Variants in CPQ observed in about 807,000 individuals in gnomAD.
CPQ encodes the protein carboxypeptidase Q, also known as Ser-Met dipeptidase.
In CPQ, 37 loss-of-function variants were observed where a neutral mutation model predicts 45.7. The observed-to-expected ratio is 0.81, with a 90% CI of 0.62 to 1.07. The LOEUF (loss-of-function observed/expected upper bound fraction) is 1.07, where lower values mean the gene tolerates loss of function less well. CPQ is among the 50% of genes least tolerant of loss of function. The pLI is 0.00. For missense variants in CPQ, 537 were observed against 572.9 expected (o/e 0.94, Z 0.64); for synonymous variants, 186 against 205.8 (o/e 0.90, Z 0.82).
chr8:97,077,670 C>A (rs1810872270), intron 7 of CPQ, among the ~76,000 whole-genome samples: 1 of 152,036 alleles, frequency 6.6e-6, no homozygotes, highest in Non-Finnish European at 1.5e-5. Context: ...CATAACATAC[C>A]TTTTTCTTAA....
chr8:97,143,247 A>C lies in CPQ; in HGVS notation c.*64A>C. On this transcript the variant is annotated 3_prime_UTR_variant, in exon 8 of 8. Coordinates refer to ENST00000220763, the MANE Select transcript of CPQ (RefSeq NM_016134.4). Reference sequence around the variant, plus strand: ...GAATCCTGGGTCTGCAACTTTGGAAAACTCCTCTTCACATAACAATTTCAT... The same window carrying C: ...GAATCCTGGGTCTGCAACTTTGGAACACTCCTCTTCACATAACAATTTCAT... 6.6e-7 allele frequency: 1 copy of C among 1,511,716 alleles called. No homozygotes were observed. The highest frequency in any genetic ancestry group is 1.2e-5 in the South Asian group (1 of 85,202). 93.6% of individuals were successfully genotyped at this position (1,511,716 alleles called of 1,614,324 possible).
At chr8:96,738,805 G>C (rs1350652468) in intron 1 of CPQ, among the ~76,000 whole-genome samples, 1 of 152,110 alleles carries the variant, frequency 6.6e-6, no homozygotes, top group Non-Finnish European at 1.5e-5. Flanking sequence ...ATTTTTTATG[G>C]CTGCATAGTA....
At chr8:97,114,618 C>G (rs1177060444) in intron 7 of CPQ, among the ~76,000 whole-genome samples, 2 of 152,154 alleles carry the variant, frequency 1.3e-5, no homozygotes, top group East Asian at 3.9e-4. Context: ...ATCCCTCATC[C>G]TAATGCATTA....
intron 1 of CPQ, among the ~76,000 whole-genome samples, chr8:96,657,915 C>T (rs1419600516): frequency 6.6e-6 from 1 of 152,162 alleles, no homozygotes; most frequent in African/African-American, 2.4e-5. Context: ...CTTTTGTGCC[C>T]AGAGCATCAT....
intron 1 of CPQ, among the ~76,000 whole-genome samples, chr8:96,753,505 T>A (rs770366454): frequency 7.2e-6 from 1 of 139,492 alleles, no homozygotes; most frequent in Admixed American, 7.1e-5. Context: ...TTTCCATTTG[T>A]TTAAGTTTTC....
intron 2 of CPQ, among the ~76,000 whole-genome samples, chr8:96,803,928 T>C (rs1811041623): frequency 6.6e-6 from 1 of 152,138 alleles, no homozygotes; most frequent in African/African-American, 2.4e-5. Flanking sequence ...GCATCCACAG[T>C]GTGCCCAGGT....
chr8:96,689,533 A>C (rs1809277051), intron 1 of CPQ, among the ~76,000 whole-genome samples: 2 of 152,340 alleles, frequency 1.3e-5, no homozygotes, highest in South Asian at 4.1e-4. Context: ...AATTTCTTCC[A>C]GAAATGGAAA....
At chr8:97,041,625 CATAG>C in intron 6 of CPQ, among the ~76,000 whole-genome samples, 1 of 152,286 alleles carries the variant, frequency 6.6e-6, no homozygotes, top group South Asian at 2.1e-4. Context: ...GTGGGTTTGT[CATAG>C]ATTGCTCTTA....
intron 3 of CPQ, among the ~76,000 whole-genome samples, chr8:96,836,342 G>A (rs1811530575): frequency 6.6e-6 from 1 of 152,126 alleles, no homozygotes; most frequent in East Asian, 1.9e-4. Context: ...CAGGGAAAAG[G>A]AAAGAGACAT....
rs74709968 is a variant in CPQ at position 96,886,742 on chromosome 8, A to T, written c.849+6737A>T. On this transcript the variant is annotated intron_variant, in intron 4 of 7. Coordinates refer to ENST00000220763, the MANE Select transcript of CPQ (RefSeq NM_016134.4). ...ATTCCATTATGCCTGGGCATGCCTT[A>T]GTTGAATGGTGTATAAATTTGAGGG... 7.1e-4 allele frequency among the ~76,000 whole-genome samples: 108 copies of T among 152,320 alleles called. 2 individuals are homozygous for T. In the East Asian group the frequency reaches 0.019, roughly 27 times the overall value.
chr8:97,018,544 A>C (rs1809620748), intron 5 of CPQ, among the ~76,000 whole-genome samples: 1 of 152,238 alleles, frequency 6.6e-6, no homozygotes. Context: ...ATAAATAAAA[A>C]ACAATCAAAA....
intron 1 of CPQ, among the ~76,000 whole-genome samples, chr8:96,745,696 T>C (rs1239478221): frequency 2.0e-5 from 3 of 152,178 alleles, no homozygotes; most frequent in African/African-American, 7.2e-5. Flanking sequence ...TCTAAAACCC[T>C]TGTTCTTTTT....
intron 3 of CPQ, among the ~76,000 whole-genome samples, chr8:96,847,752 A>T (rs1047255983): frequency 6.6e-6 from 1 of 151,938 alleles, no homozygotes; most frequent in Non-Finnish European, 1.5e-5. Context: ...CCCATACATA[A>T]TTGCTGTTAA....
intron 4 of CPQ, among the ~76,000 whole-genome samples, chr8:96,892,609 A>G (rs1812392441): frequency 6.6e-6 from 1 of 152,200 alleles, no homozygotes; most frequent in Non-Finnish European, 1.5e-5. Flanking sequence ...GAACCAGCCA[A>G]CCTAAATCAT....
intron 2 of CPQ, among the ~76,000 whole-genome samples, chr8:96,826,960 T>A (rs1030409542): frequency 1.3e-5 from 2 of 152,056 alleles, no homozygotes; most frequent in African/African-American, 4.8e-5. Context: ...GACATGATCT[T>A]GTTCCTTTTT....
intron 1 of CPQ, among the ~76,000 whole-genome samples, chr8:96,775,517 A>G (rs778080236): frequency 3.3e-5 from 5 of 152,132 alleles, no homozygotes; most frequent in African/African-American, 7.2e-5. Flanking sequence ...CAGCATATTC[A>G]TTTGTGTTTT....
intron 6 of CPQ, among the ~76,000 whole-genome samples, chr8:97,050,646 C>T (rs540489457): frequency 2.8e-4 from 43 of 152,244 alleles, no homozygotes; most frequent in African/African-American, 8.4e-4. Context: ...AGAAGGATTG[C>T]GTGAGCCCAG....
At chr8:96,852,251 C>T (rs1436038033) in intron 3 of CPQ, among the ~76,000 whole-genome samples, 1 of 152,116 alleles carries the variant, frequency 6.6e-6, no homozygotes, top group Non-Finnish European at 1.5e-5. Flanking sequence ...GTCATGCTGT[C>T]AAAAGCATAT....
chr8:96,994,504 G>A (rs1237027527), intron 5 of CPQ, among the ~76,000 whole-genome samples: 1 of 152,086 alleles, frequency 6.6e-6, no homozygotes, highest in Non-Finnish European at 1.5e-5. Context: ...TTTATCTTTT[G>A]TCTTTGAAAC....
Sources: gnomAD v4.1 joint callset for allele counts (sites outside exome capture counted in the v4.1 genomes callset) on GRCh38, gnomAD v4.1.1 for gene constraint, MANE v1.5 for transcripts, NCBI Gene and HGNC (gene_info 2026-07-23, HGNC 2026-07-21) for gene names.